The following FAM174B variants were observed in gnomAD, a reference collection of about 807,000 sequenced individuals.
FAM174B encodes the protein membrane protein FAM174B.
FAM174B carries 12 observed loss-of-function variants against 10.9 expected under a neutral mutation model. The observed-to-expected ratio is 1.10, with a 90% confidence interval of 0.71 to 1.79. The LOEUF (loss-of-function observed/expected upper bound fraction) is 1.79. FAM174B is among the 40% of genes most tolerant of loss of function. FAM174B has a pLI of 0.00. For missense variants in FAM174B, 266 were observed against 233.3 expected (o/e 1.14, Z -0.91); for synonymous variants, 132 against 115.8 (o/e 1.14, Z -0.90).
intron 1 of FAM174B, among the ~76,000 whole-genome samples, chr15:92,630,727 T>G (rs2050787926): frequency 1.6e-5 from 2 of 128,896 alleles, no homozygotes; most frequent in African/African-American, 6.2e-5. Flanking sequence ...TTTTTTATAT[T>G]ATATAATTAT....
In FAM174B at chr15:92,619,327, G is replaced by A. The variant is rs747726492; in HGVS notation, c.*129C>T. On this transcript the variant is annotated 3_prime_UTR_variant, in exon 3 of 3. Transcript: ENST00000327355. Reference sequence around the variant, plus strand: ...GCCTGACACGCACGATGGAGCTGGGGTTTTATACATAACGTTCGTTTTGGT... The same window carrying A: ...GCCTGACACGCACGATGGAGCTGGGATTTTATACATAACGTTCGTTTTGGT... 1 of 1,011,254 alleles carries A rather than the reference G, an allele frequency of 9.9e-7. No homozygotes were observed. Among genetic ancestry groups the A allele is most frequent in the South Asian group, 1.3e-5 (1 of 74,968 alleles). The allele number at this position is 1,011,254 out of a possible 1,614,324, so 62.6% of individuals were successfully genotyped here. A position where few individuals can be genotyped will look rare whatever the true frequency, so the allele number is the denominator to read the frequency against.
chr15:92,655,311 C>A lies in FAM174B; in HGVS notation c.344+5G>T, dbSNP rs1189664150. ...CGGGGGAAGGAAGAGGGCGGGAGGG[C>A]CCACCTGAAGACGCGCAGCAGCAGG... is the stretch of plus-strand genomic sequence containing the variant. On this transcript the variant is annotated splice_donor_5th_base_variant and intron_variant, in intron 1 of 2. Coordinates refer to ENST00000327355, the MANE Select transcript of FAM174B (RefSeq NM_207446.3). 1.9e-6 allele frequency: 3 copies of A among 1,553,938 alleles called. No individual in the cohort carries two copies. The highest frequency in any genetic ancestry group is 2.6e-6 in the Non-Finnish European group (3 of 1,149,636).
chr15:92,622,256 C>G (rs1294934131), intron 2 of FAM174B, among the ~76,000 whole-genome samples: 1 of 152,246 alleles, frequency 6.6e-6, no homozygotes, highest in Non-Finnish European at 1.5e-5. Context: ...AACGCCCACA[C>G]ATACACAAGG....
chr15:92,631,035 A>G (rs866358341), intron 1 of FAM174B, among the ~76,000 whole-genome samples: 4 of 17,120 alleles, frequency 2.3e-4, no homozygotes, highest in Non-Finnish European at 3.4e-4. Context: ...TACGTATTAC[A>G]TATTACATAT....
intron 1 of FAM174B, among the ~76,000 whole-genome samples, chr15:92,631,421 A>ATATAT: frequency 2.3e-5 from 1 of 43,974 alleles, no homozygotes; most frequent in African/African-American, 1.2e-4. Context: ...ATAATATATA[A>ATATAT]TATATAATAT....
intron 1 of FAM174B, chr15:92,634,467 T>A (rs1448780161): frequency 6.6e-6 from 1 of 152,176 alleles, no homozygotes; most frequent in African/African-American, 2.4e-5. Flanking sequence ...TTCTCTATAA[T>A]CTTATCATTC....
chr15:92,629,317 C>T (rs1013741219), intron 2 of FAM174B, among the ~76,000 whole-genome samples: 5 of 152,204 alleles, frequency 3.3e-5, no homozygotes, highest in Admixed American at 2.6e-4. Context: ...TCAAAGTACA[C>T]CTCAAAATGA....
chr15:92,631,482 T>TTATATA (rs71156650), intron 1 of FAM174B, among the ~76,000 whole-genome samples: 1 of 56,250 alleles, frequency 1.8e-5, no homozygotes, highest in African/African-American at 9.0e-5. Context: ...TTATAATATA[T>TTATATA]TATATATATA....
chr15:92,630,716 AT>A (rs367614578), intron 1 of FAM174B, among the ~76,000 whole-genome samples: 3,966 of 128,498 alleles, frequency 0.031, 368 homozygotes, highest in African/African-American at 0.12. Context: ...ATAATTATAT[AT>A]TTTTTATATT....
At chr15:92,646,923 T>C (rs1596302815) in intron 1 of FAM174B, among the ~76,000 whole-genome samples, 1 of 152,172 alleles carries the variant, frequency 6.6e-6, no homozygotes, top group African/African-American at 2.4e-5. Flanking sequence ...CTAATATGTA[T>C]AAAACTAAGC....
At chr15:92,632,116 C>T (rs1415435699) in intron 1 of FAM174B, among the ~76,000 whole-genome samples, 3 of 152,220 alleles carry the variant, frequency 2.0e-5, no homozygotes, top group African/African-American at 7.2e-5. Flanking sequence ...GAATTAAATA[C>T]GCTACATCAT....
intron 1 of FAM174B, among the ~76,000 whole-genome samples, chr15:92,649,795 C>A (rs770298099): frequency 6.6e-6 from 1 of 152,226 alleles, no homozygotes; most frequent in Non-Finnish European, 1.5e-5. Context: ...CAAAATCCTT[C>A]GGCTTGCTCT....
At chr15:92,620,310 A>G (rs754748282) in intron 2 of FAM174B, among the ~76,000 whole-genome samples, 39 of 152,204 alleles carry the variant, frequency 2.6e-4, no homozygotes, top group Non-Finnish European at 4.9e-4. Context: ...CATCCTGGCT[A>G]ACATGGTGAA....
intron 2 of FAM174B, among the ~76,000 whole-genome samples, chr15:92,623,329 G>A (rs192010544): frequency 2.4e-4 from 36 of 151,964 alleles, no homozygotes; most frequent in African/African-American, 8.2e-4. Context: ...GGCCTCTCTC[G>A]GCCCCCTTCT....
intron 1 of FAM174B, among the ~76,000 whole-genome samples, chr15:92,654,952 C>G (rs1454711059): frequency 2.0e-5 from 3 of 152,142 alleles, no homozygotes; most frequent in Non-Finnish European, 4.4e-5. Flanking sequence ...CATTTTGCCT[C>G]TCTGAAAATG....
rs146728810 is a variant in FAM174B, at chr15:92,619,419, A to G, written c.*37T>C. 545 of 1,613,892 alleles carry G rather than the reference A, an allele frequency of 3.4e-4. 4 individuals are homozygous for G. The African/African-American group carries it at 6.4e-3, about 19-fold the overall frequency. On this transcript the variant is annotated 3_prime_UTR_variant, in exon 3 of 3. Transcript: ENST00000327355. The stretch of plus-strand genomic sequence containing the variant: ...TCACACCCCAGGTTGCAGCTGACCA[A>G]CTTTCCACAGGATGCCACCAGGCTG...
At position 92,655,558 on chromosome 15, in the gene FAM174B, C is replaced by A. The variant is rs768561265; in HGVS notation, c.102G>T (p.Ala34=). 7.2e-7 allele frequency: 1 copy of A among 1,388,846 alleles called. No homozygotes were observed. Among genetic ancestry groups the A allele is most frequent in the Non-Finnish European group, 9.3e-7 (1 of 1,072,776 alleles). The allele number at this position is 1,388,846 out of a possible 1,614,324, so 86.0% of individuals were successfully genotyped here. The change falls in exon 1 of 3, where the codon GCG becomes GCT. Residue 34 remains alanine (A), a synonymous_variant. Transcript: ENST00000327355. ...ARASRAESVS[A]PWPEPERESR... Reference sequence around the variant, plus strand: ...ACTCGCGCTCGGGTTCGGGCCACGGCGCGGAGACGGACTCGGCTCTGCTGG... The same window carrying A: ...ACTCGCGCTCGGGTTCGGGCCACGGAGCGGAGACGGACTCGGCTCTGCTGG...
chr15:92,643,436 T>G (rs890818949), intron 1 of FAM174B, among the ~76,000 whole-genome samples: 3 of 150,958 alleles, frequency 2.0e-5, no homozygotes, highest in Non-Finnish European at 4.4e-5. Context: ...CTGGAAAGAT[T>G]TGACAAGAAA....
chr15:92,631,759 G>A (rs1297028859), intron 1 of FAM174B, among the ~76,000 whole-genome samples: 1 of 151,456 alleles, frequency 6.6e-6, no homozygotes, highest in Non-Finnish European at 1.5e-5. Flanking sequence ...CCCTCCCAAA[G>A]TGCTGGGATC....
Sources: allele counts gnomAD v4.1 joint callset (sites outside exome capture counted in the v4.1 genomes callset), GRCh38; gene constraint gnomAD v4.1.1; transcripts MANE v1.5; gene names NCBI Gene and HGNC (gene_info 2026-07-23, HGNC 2026-07-21).